Variants in ARHGAP15 observed in about 807,000 individuals in gnomAD.
ARHGAP15 encodes rho GTPase-activating protein 15.
In ARHGAP15, 51 loss-of-function variants were observed where a neutral mutation model predicts 63.7. That is an observed-to-expected ratio of 0.80 (90% CI 0.64 to 1.01). The LOEUF (loss-of-function observed/expected upper bound fraction) is 1.01, where lower values mean the gene tolerates loss of function less well. Ranked by LOEUF, ARHGAP15 falls within the 50% of genes least tolerant of loss-of-function variation. ARHGAP15 has a pLI of 0.00. For missense variants in ARHGAP15, 560 were observed against 564.6 expected (o/e 0.99, Z 0.08); for synonymous variants, 191 against 193.8 (o/e 0.99, Z 0.12).
At chr2:143,482,869 A>G (rs183115580) in intron 8 of ARHGAP15, among the ~76,000 whole-genome samples, 2 of 152,364 alleles carry the variant, frequency 1.3e-5, no homozygotes, top group Admixed American at 6.5e-5. Context: ...CAACCTCTAC[A>G]TAACTCTTCT....
At chr2:143,582,070 A>T (rs570147169) in intron 11 of ARHGAP15, among the ~76,000 whole-genome samples, 2 of 152,254 alleles carry the variant, frequency 1.3e-5, no homozygotes, top group African/African-American at 4.8e-5. Flanking sequence ...ATTAGACGTG[A>T]TATAAGATGT....
intron 10 of ARHGAP15, among the ~76,000 whole-genome samples, chr2:143,520,529 T>G (rs1694015707): frequency 6.6e-6 from 1 of 151,916 alleles, no homozygotes; most frequent in African/African-American, 2.4e-5. Context: ...GAGAGTACAG[T>G]GAGAGTAGAA....
At chr2:143,438,665 A>T (rs1317622346) in intron 8 of ARHGAP15, among the ~76,000 whole-genome samples, 1 of 152,162 alleles carries the variant, frequency 6.6e-6, no homozygotes, top group Non-Finnish European at 1.5e-5. Flanking sequence ...ACTTTTCCAT[A>T]ATGGTACAGT....
intron 3 of ARHGAP15, among the ~76,000 whole-genome samples, chr2:143,214,398 G>A (rs1381203846): frequency 6.6e-6 from 1 of 152,158 alleles, no homozygotes; most frequent in African/African-American, 2.4e-5. Flanking sequence ...CCAAACATTT[G>A]TGGATACCAG....
chr2:143,439,531 G>GT (rs1395051346), intron 8 of ARHGAP15, among the ~76,000 whole-genome samples: 3 of 28,580 alleles, frequency 1.0e-4, no homozygotes, highest in East Asian at 2.0e-3. Context: ...TTACTTTGAA[G>GT]TTAAAAAAAA....
intron 6 of ARHGAP15, among the ~76,000 whole-genome samples, chr2:143,341,382 G>T (rs942816452): frequency 1.3e-5 from 2 of 152,068 alleles, no homozygotes; most frequent in Admixed American, 1.3e-4. Context: ...AACTTTATAG[G>T]TGAAGCTAAC....
intron 6 of ARHGAP15, among the ~76,000 whole-genome samples, chr2:143,364,412 G>A (rs1233359089): frequency 1.3e-5 from 2 of 151,846 alleles, no homozygotes; most frequent in African/African-American, 4.9e-5. Context: ...AGAAGTGGGA[G>A]GGACAGCATT....
rs1695774267 is a variant in ARHGAP15, at chr2:143,555,913, A to AATAGAATAGAATAGG, written c.926-481_926-480insGATAGAATAGAATAG. Among the ~76,000 whole-genome samples the AATAGAATAGAATAGG allele has an allele frequency of 2.1e-5, 3 of 146,332 alleles. No homozygotes were observed. The South Asian group carries it at 6.5e-4, about 32-fold the overall frequency. On this transcript the variant is annotated intron_variant, in intron 10 of 13. Coordinates refer to ENST00000295095, the MANE Select transcript of ARHGAP15 (RefSeq NM_018460.4). The stretch of plus-strand genomic sequence containing the variant: ...AATAGAATAGAATAGAATAGAATAG[A>AATAGAATAGAATAGG]ATAGAATAGAATAGAACAGAGTAGA...
At chr2:143,134,828 G>A (rs1305613095) in intron 1 of ARHGAP15, among the ~76,000 whole-genome samples, 1 of 151,814 alleles carries the variant, frequency 6.6e-6, no homozygotes, top group Non-Finnish European at 1.5e-5. Flanking sequence ...TAGTAGAGTC[G>A]GGGTTTCACG....
intron 7 of ARHGAP15, 102 bp from the exon 8 acceptor site, chr2:143,436,811 T>G: frequency 8.4e-7 from 1 of 1,191,418 alleles, no homozygotes; most frequent in Non-Finnish European, 1.2e-6. Context: ...ATAATTACCT[T>G]ACTTCAAATT....
chr2:143,359,695 T>C (rs1040702890), intron 6 of ARHGAP15, among the ~76,000 whole-genome samples: 6 of 152,194 alleles, frequency 3.9e-5, no homozygotes, highest in Non-Finnish European at 7.4e-5. Context: ...AGAACAAAAA[T>C]GTTTATCATA....
At chr2:143,207,707 G>A (rs1363132579) in intron 3 of ARHGAP15, among the ~76,000 whole-genome samples, 1 of 151,934 alleles carries the variant, frequency 6.6e-6, no homozygotes, top group African/African-American at 2.4e-5. Flanking sequence ...TTATTTTAAA[G>A]GCAGAAACAT....
At chr2:143,291,802 C>G (rs1682413379) in intron 6 of ARHGAP15, among the ~76,000 whole-genome samples, 1 of 152,066 alleles carries the variant, frequency 6.6e-6, no homozygotes, top group African/African-American at 2.4e-5. Flanking sequence ...TCATTGCCCA[C>G]CTTCTCTTCA....
In ARHGAP15 at chr2:143,396,379, A is replaced by G. The variant is rs140101829; in HGVS notation, c.475-39222A>G. ...TCTCTGTGCCATAACTACATTTTCAATAACATACCAAAGAGTGTAAACTGA... is the reference window on the plus strand; with the variant it reads ...TCTCTGTGCCATAACTACATTTTCAGTAACATACCAAAGAGTGTAAACTGA... On this transcript the variant is annotated intron_variant, in intron 6 of 13. Transcript: ENST00000295095. Among the ~76,000 whole-genome samples the G allele has an allele frequency of 6.6e-5, 10 of 152,220 alleles. No homozygotes were observed. In the East Asian group the frequency reaches 1.9e-3, roughly 29 times the overall value.
rs573329855 is a variant in ARHGAP15, at chr2:143,412,651, A to G, written c.475-22950A>G. ...TTTACTTATGGTATAGCTAGGACGG[A>G]TTTTTTAAAAATTTATTTATCCTGG... is the stretch of plus-strand genomic sequence containing the variant. On this transcript the variant is annotated intron_variant, in intron 6 of 13. Transcript: ENST00000295095. Among the ~76,000 whole-genome samples the G allele has an allele frequency of 2.6e-5, 4 of 152,194 alleles. No individual in the cohort carries two copies. In the South Asian group the frequency reaches 6.2e-4, roughly 24 times the overall value.
intron 2 of ARHGAP15, among the ~76,000 whole-genome samples, chr2:143,168,763 G>A (rs575527437): frequency 7.2e-5 from 11 of 151,972 alleles, no homozygotes; most frequent in South Asian, 6.3e-4. Context: ...AATCAACTTC[G>A]ATTTAACTAG....
rs888042718 is a variant in ARHGAP15, at chr2:143,244,779, G to A, written c.385-5732G>A. ...TCAAAATACAGAGAATGAATTGCAA[G>A]GGTTTTTGACTGGCCACAGAGGCAA... is the stretch of plus-strand genomic sequence containing the variant. On this transcript the variant is annotated intron_variant, in intron 5 of 13. Transcript: ENST00000295095. 1.3e-5 allele frequency among the ~76,000 whole-genome samples: 2 copies of A among 152,176 alleles called. 1 individual carries two copies. The highest frequency in any genetic ancestry group is 4.1e-4 in the South Asian group (2 of 4,834).
intron 6 of ARHGAP15, among the ~76,000 whole-genome samples, chr2:143,384,563 GTTA>G (rs1558935577): frequency 1.5e-5 from 1 of 65,686 alleles, no homozygotes; most frequent in African/African-American, 6.2e-5. Flanking sequence ...GTGTTTTAGA[GTTA>G]AAAAAAAAAA....
chr2:143,636,323 T>C (rs1449120676), intron 12 of ARHGAP15, among the ~76,000 whole-genome samples: 1 of 152,202 alleles, frequency 6.6e-6, no homozygotes, highest in East Asian at 1.9e-4. Flanking sequence ...GAATATCTAA[T>C]TGGCATCTAA....
Sources: allele counts gnomAD v4.1 joint callset (sites outside exome capture counted in the v4.1 genomes callset), GRCh38; gene constraint gnomAD v4.1.1; transcripts MANE v1.5; gene names NCBI Gene and HGNC (gene_info 2026-07-23, HGNC 2026-07-21).